The following TLK2 variants were observed in gnomAD, a reference collection of about 807,000 sequenced individuals.
TLK2 encodes tousled like kinase 2, also known as serine/threonine-protein kinase tousled-like 2.
TLK2 carries 6 observed loss-of-function variants against 117.3 expected under a neutral mutation model. The ratio of observed to expected loss-of-function variants is 0.05; its 90% CI spans 0.03 to 0.10. TLK2 has a LOEUF of 0.10. TLK2 is among the 10% of genes least tolerant of loss of function. TLK2 has a pLI of 1.00. For missense variants in TLK2, 299 were observed against 901.2 expected (o/e 0.33, Z 8.56); for synonymous variants, 257 against 316.7 (o/e 0.81, Z 2.00).
upstream of TLK2, among the ~76,000 whole-genome samples, chr17:62,474,827 C>CTTT (rs748987436): frequency 7.1e-6 from 1 of 140,434 alleles, no homozygotes; most frequent in Non-Finnish European, 1.6e-5. Flanking sequence ...CACCTGGCCT[C>CTTT]TTTTTTTTTT....
intron 2 of TLK2, among the ~76,000 whole-genome samples, chr17:62,514,579 CT>C (rs779645456): frequency 2.0e-3 from 278 of 136,090 alleles, no homozygotes; most frequent in African/African-American, 2.6e-3. Flanking sequence ...TCTTAACCTT[CT>C]TTTTTTTTTT....
chr17:62,556,679 G>A (rs2078889724), intron 9 of TLK2, among the ~76,000 whole-genome samples: 1 of 152,154 alleles, frequency 6.6e-6, no homozygotes, highest in African/African-American at 2.4e-5. Context: ...TATTACCCCA[G>A]GGTGTCTCTA....
intron 2 of TLK2, among the ~76,000 whole-genome samples, chr17:62,488,446 T>TA (rs1332774728): frequency 3.9e-5 from 6 of 152,360 alleles, no homozygotes; most frequent in African/African-American, 1.4e-4. Context: ...TTGTATGTCT[T>TA]ACATTTAATT....
At chr17:62,527,646 ATTTAT>A (rs2076459200) in intron 6 of TLK2, among the ~76,000 whole-genome samples, 1 of 152,012 alleles carries the variant, frequency 6.6e-6, no homozygotes, top group Non-Finnish European at 1.5e-5. Flanking sequence ...TTTATAGGTC[ATTTAT>A]TTTCATTGGT....
chr17:62,559,699 T>C lies in TLK2; in HGVS notation c.721-317T>C, dbSNP rs936115119. On this transcript the variant is annotated intron_variant, in intron 9 of 21. Transcript: ENST00000346027. ...AGCTTTAACATTTTTTTAATTATTATTTTGTGATAGCTTAGGTGTTTGTGA... is the reference window on the plus strand; with the variant it reads ...AGCTTTAACATTTTTTTAATTATTACTTTGTGATAGCTTAGGTGTTTGTGA... 1.3e-5 allele frequency among the ~76,000 whole-genome samples: 2 copies of C among 152,266 alleles called. 1 individual carries two copies.
chr17:62,509,918 G>C (rs1425422694), intron 2 of TLK2, among the ~76,000 whole-genome samples: 1 of 152,198 alleles, frequency 6.6e-6, no homozygotes, highest in Non-Finnish European at 1.5e-5. Flanking sequence ...CACCTAACCT[G>C]CTGGTGCCTT....
At chr17:62,497,476 A>G (rs1304316812) in intron 2 of TLK2, among the ~76,000 whole-genome samples, 5 of 152,118 alleles carry the variant, frequency 3.3e-5, no homozygotes, top group Admixed American at 6.6e-5. Context: ...CTAATTCCCA[A>G]CCTTTTACTG....
At chr17:62,492,313 T>G (rs2073185423) in intron 2 of TLK2, among the ~76,000 whole-genome samples, 1 of 152,116 alleles carries the variant, frequency 6.6e-6, no homozygotes, top group East Asian at 1.9e-4. Context: ...GAAAAGTACC[T>G]TGTTTTGCCC....
chr17:62,595,548 A>G (rs947159268), intron 16 of TLK2, among the ~76,000 whole-genome samples: 1 of 137,334 alleles, frequency 7.3e-6, no homozygotes, highest in Non-Finnish European at 1.6e-5. Context: ...GGAATTTTTC[A>G]CCTCTGTTGT....
intron 2 of TLK2, among the ~76,000 whole-genome samples, chr17:62,518,713 A>G (rs1372482348): frequency 6.6e-6 from 1 of 152,176 alleles, no homozygotes; most frequent in East Asian, 1.9e-4. Flanking sequence ...CTCCAAAAAA[A>G]AAAGAAAGAA....
intron 1 of TLK2, among the ~76,000 whole-genome samples, chr17:62,471,788 T>A (rs1357318603): frequency 6.6e-6 from 1 of 151,534 alleles, no homozygotes; most frequent in African/African-American, 2.4e-5. Context: ...TTGGCAGTTC[T>A]TATGGAGCCC....
intron 1 of TLK2, among the ~76,000 whole-genome samples, chr17:62,471,742 T>C (rs1003943992): frequency 1.3e-5 from 2 of 152,006 alleles, no homozygotes; most frequent in African/African-American, 2.4e-5. Context: ...CTTTCAGAAG[T>C]GAACCCCAGA....
At chr17:62,573,842 T>C (rs2080523147) in intron 12 of TLK2, among the ~76,000 whole-genome samples, 1 of 152,190 alleles carries the variant, frequency 6.6e-6, no homozygotes, top group Non-Finnish European at 1.5e-5. Context: ...ATTGTCCCAA[T>C]AAGCCACAAC....
intron 19 of TLK2, among the ~76,000 whole-genome samples, chr17:62,603,793 T>C (rs2083047719): frequency 6.6e-6 from 1 of 152,086 alleles, no homozygotes; most frequent in Non-Finnish European, 1.5e-5. Flanking sequence ...ACAGGGCTTC[T>C]GAGAAGATTA....
intron 9 of TLK2, among the ~76,000 whole-genome samples, chr17:62,559,300 A>G (rs567826371): frequency 3.5e-4 from 15 of 42,816 alleles, no homozygotes; most frequent in African/African-American, 6.2e-4. Flanking sequence ...CAAAGCAAAC[A>G]TAAAATTCAG....
In TLK2 at chr17:62,578,496, C is replaced by T; in HGVS notation, c.1208C>T (p.Ala403Val). 1 of 1,613,668 alleles carries T rather than the reference C, an allele frequency of 6.2e-7. No homozygotes were observed. Among genetic ancestry groups the T allele is most frequent in the Non-Finnish European group, 8.5e-7 (1 of 1,179,810 alleles). ...HLKKEEAEIQ[A>V]ELERLERVRN... The stretch of plus-strand genomic sequence containing the variant: ...CTTTAGGAGGAAGCAGAGATCCAGG[C>T]AGAGCTGGAGAGACTAGAAAGGGTT... Residue 403 changes from alanine to valine, a missense_variant, in exon 14 of 22, where the codon GCA (alanine) becomes GTA (valine). Ala to Val is a moderately conservative substitution (Grantham distance 64). This residue lies in a region of TLK2 where 94 missense variants were observed against 282.6 expected (regional missense o/e 0.33). Coordinates refer to ENST00000346027, the MANE Select transcript of TLK2 (RefSeq NM_006852.6).
intron 19 of TLK2, 29 bp downstream of exon 19, chr17:62,602,209 G>C (rs747265033): frequency 1.9e-6 from 3 of 1,607,292 alleles, no homozygotes; most frequent in Admixed American, 3.4e-5. Flanking sequence ...TGCCAGGTTG[G>C]CTATAGAGAT....
chr17:62,478,295 C>T (rs937674028), upstream of TLK2, among the ~76,000 whole-genome samples: 1 of 151,462 alleles, frequency 6.6e-6, no homozygotes, highest in African/African-American at 2.4e-5. Context: ...CGCCGCACTT[C>T]TCACCCAAAC....
At chr17:62,551,044 C>T (rs1435820635) in intron 7 of TLK2, 1 of 152,270 alleles carries the variant, frequency 6.6e-6, no homozygotes, top group East Asian at 1.9e-4. Flanking sequence ...TCTCGAGCTT[C>T]TGTCCTCAAG....
Sources: gnomAD v4.1 joint callset for allele counts (sites outside exome capture counted in the v4.1 genomes callset) on GRCh38, gnomAD v4.1.1 for gene constraint, gnomAD v4.1.1 regional missense constraint, MANE v1.5 for transcripts, NCBI Gene and HGNC (gene_info 2026-07-23, HGNC 2026-07-21) for gene names.